The following KDM2B variants were observed in gnomAD, a reference collection of about 807,000 sequenced individuals.
KDM2B encodes lysine-specific demethylase 2B.
Under a neutral mutation model 150.0 loss-of-function variants are expected in KDM2B, and 26 were observed. That is an observed-to-expected ratio of 0.17 (90% CI 0.13 to 0.24). The LOEUF (loss-of-function observed/expected upper bound fraction) is 0.24. Ranked by LOEUF, KDM2B falls within the 10% of genes least tolerant of loss-of-function variation. The pLI, the probability that KDM2B is intolerant of heterozygous loss-of-function variation, is 1.00. For missense variants in KDM2B, 1,265 were observed against 1,816.9 expected, an observed-to-expected ratio of 0.70 and a Z score of 5.52; for synonymous variants, 734 against 729.5, an observed-to-expected ratio of 1.01 and a Z score of -0.10.
At chr12:121,548,326 C>T (rs1049443162) in intron 6 of KDM2B, among the ~76,000 whole-genome samples, 4 of 152,172 alleles carry the variant, frequency 2.6e-5, no homozygotes, top group African/African-American at 9.7e-5. Flanking sequence ...GTGTCAGCCT[C>T]CTGCTCAGAG....
chr12:121,506,620 G>A (rs1273050052), intron 11 of KDM2B, among the ~76,000 whole-genome samples: 1 of 151,840 alleles, frequency 6.6e-6, no homozygotes, highest in South Asian at 2.1e-4. Flanking sequence ...TGGCCAACAC[G>A]GTGAAACCCC....
At chr12:121,540,991 G>C (rs1272923493) in intron 6 of KDM2B, among the ~76,000 whole-genome samples, 4 of 152,040 alleles carry the variant, frequency 2.6e-5, no homozygotes, top group Non-Finnish European at 5.9e-5. Context: ...CCAACACTTT[G>C]GGAGGCCGAG....
chr12:121,573,704 C>T (rs896367550), intron 4 of KDM2B, among the ~76,000 whole-genome samples: 1 of 152,132 alleles, frequency 6.6e-6, no homozygotes, highest in African/African-American at 2.4e-5. Flanking sequence ...TCTCCTGCCT[C>T]AGCCTCCCGA....
intron 9 of KDM2B, among the ~76,000 whole-genome samples, chr12:121,515,790 G>A (rs1334326710): frequency 6.6e-6 from 1 of 151,798 alleles, no homozygotes; most frequent in African/African-American, 2.4e-5. Context: ...TGGGTGCTGG[G>A]CTCTGCCTGC....
intron 6 of KDM2B, among the ~76,000 whole-genome samples, chr12:121,546,379 C>CCT (rs1889044603): frequency 1.0e-5 from 1 of 97,478 alleles, no homozygotes; most frequent in Non-Finnish European, 1.9e-5. Flanking sequence ...TTTTTTTTGC[C>CCT]TTTTTTTTTT....
chr12:121,489,838 G>A (rs2140255607), intron 12 of KDM2B, among the ~76,000 whole-genome samples: 1 of 152,226 alleles, frequency 6.6e-6, no homozygotes, highest in African/African-American at 2.4e-5. Flanking sequence ...TTTTTCACAA[G>A]TCCCCCAGGT....
Position 121,548,977 on chromosome 12 carries a change from G to A in KDM2B, c.583C>T (p.Leu195=). 6.2e-7 allele frequency: 1 copy of A among 1,613,634 alleles called. No individual in the cohort carries two copies. Among genetic ancestry groups the A allele is most frequent in the Non-Finnish European group, 8.5e-7 (1 of 1,179,632 alleles). The part of the protein sequence containing the change: ...HLVKRPTVVD[L]VDWVDNMWPQ... ...CACATGTTGTCCACCCAGTCCACCA[G>A]GTCTACCTGAAAGCCAGACCAGTGT... The change falls in exon 6 of 23, where the codon CTG becomes TTG. Residue 195 remains leucine (L), a synonymous_variant. Transcript: ENST00000377071.
the KDM2B span, chr12:121,420,615 G>C: frequency 6.2e-7 from 1 of 1,614,170 alleles, no homozygotes; most frequent in Non-Finnish European, 8.5e-7. Flanking sequence ...GAGCTTCACT[G>C]TCTGACTTGT....
the KDM2B span, among the ~76,000 whole-genome samples, chr12:121,415,867 C>G: frequency 8.1e-6 from 1 of 123,332 alleles, no homozygotes. Context: ...TTTTTACATG[C>G]CTGTGTACAT....
intron 12 of KDM2B, among the ~76,000 whole-genome samples, chr12:121,490,087 G>A (rs536279896): frequency 4.6e-5 from 7 of 152,362 alleles, no homozygotes; most frequent in African/African-American, 1.7e-4. Flanking sequence ...TTCAGGGAAA[G>A]GCTGTGTGTC....
At chr12:121,423,595 G>T in the KDM2B span, 15 of 1,604,784 alleles carry the variant, frequency 9.3e-6, no homozygotes, top group Middle Eastern at 1.7e-4. The surrounding 1 kb of genome is among the most constrained non-coding windows in gnomAD (Gnocchi z 4.3). Context: ...CCCCTCACCA[G>T]GACAGTCACC....
chr12:121,548,762 G>C, intron 6 of KDM2B, 115 bp downstream of exon 6: 1 of 758,362 alleles, frequency 1.3e-6, no homozygotes, highest in South Asian at 1.6e-5. Flanking sequence ...CTGAACGGGA[G>C]CGGTTGTGAC....
chr12:121,504,200 G>C (rs1157519926), intron 11 of KDM2B, among the ~76,000 whole-genome samples: 1 of 152,038 alleles, frequency 6.6e-6, no homozygotes, highest in Non-Finnish European at 1.5e-5. Flanking sequence ...AGTCTCCCAG[G>C]TAGAGGTGCA....
chr12:121,567,417 A>G (rs1890783779), intron 4 of KDM2B, among the ~76,000 whole-genome samples: 1 of 152,182 alleles, frequency 6.6e-6, no homozygotes, highest in African/African-American at 2.4e-5. Flanking sequence ...CCTTATAAGA[A>G]GAGTTTAGGG....
At chr12:121,425,744 T>C (rs1435714451), downstream of KDM2B, among the ~76,000 whole-genome samples, 1 of 151,392 alleles carries the variant, frequency 6.6e-6, no homozygotes, top group African/African-American at 2.4e-5. Flanking sequence ...CAGAGTTTTG[T>C]GGGCACTTGT....
In KDM2B at chr12:121,580,951, C is replaced by T. The variant is rs1229646374; in HGVS notation, c.-40G>A. ...TGGGGGGCTCAGAAGGAAATTAGCT[C>T]GGCTTCCATACCTATAAGGACTGCC... On this transcript the variant is annotated 5_prime_UTR_variant, in exon 1 of 23. Coordinates refer to ENST00000377071, the MANE Select transcript of KDM2B (RefSeq NM_032590.5). 1.9e-6 allele frequency: 3 copies of T among 1,608,306 alleles called. No homozygotes were observed. The highest frequency in any genetic ancestry group is 1.7e-6 in the Non-Finnish European group (2 of 1,177,844).
In KDM2B at chr12:121,521,555, G is replaced by A. The variant is rs903625492; in HGVS notation, c.932-455C>T. Among the ~76,000 whole-genome samples, 1 of 152,202 alleles carries A rather than the reference G, an allele frequency of 6.6e-6. No individual in the cohort carries two copies. The highest frequency in any genetic ancestry group is 1.5e-5 in the Non-Finnish European group (1 of 68,034). On this transcript the variant is annotated intron_variant, in intron 8 of 22. Coordinates refer to ENST00000377071, the MANE Select transcript of KDM2B (RefSeq NM_032590.5). The surrounding 1 kb of genome is among the most constrained non-coding windows in gnomAD (Gnocchi z 4.9). ...GATGGCTGGGAACCATGACGCAGGA[G>A]TGACGTCTTGCCAGAGCTGCAGGAC... is the stretch of plus-strand genomic sequence containing the variant.
At chr12:121,418,174 A>G in the KDM2B span, 1 of 433,652 alleles carries the variant, frequency 2.3e-6, no homozygotes, top group Non-Finnish European at 4.1e-6. Flanking sequence ...TCTCTGTCTT[A>G]CACAGTTAGA....
At chr12:121,560,734 C>A (rs2136240934) in intron 4 of KDM2B, among the ~76,000 whole-genome samples, 1 of 152,270 alleles carries the variant, frequency 6.6e-6, no homozygotes, top group East Asian at 1.9e-4. Context: ...CCGGTCTGAT[C>A]TGCCACAGGA....
Sources: allele counts gnomAD v4.1 joint callset (sites outside exome capture counted in the v4.1 genomes callset), GRCh38; gene constraint gnomAD v4.1.1; non-coding constraint Gnocchi (gnomAD v3.1); transcripts MANE v1.5; gene names NCBI Gene and HGNC (gene_info 2026-07-23, HGNC 2026-07-21).